Variants in GABBR2 observed in about 807,000 individuals in gnomAD.
The protein encoded by GABBR2 is gamma-aminobutyric acid type B receptor subunit 2, also known as G-protein coupled receptor 51.
A neutral mutation model predicts 105.6 loss-of-function variants in GABBR2; 23 were observed. The ratio of observed to expected loss-of-function variants is 0.22; its 90% CI spans 0.16 to 0.31. GABBR2 has a LOEUF of 0.31. Ranked by LOEUF, GABBR2 falls within the 10% of genes least tolerant of loss-of-function variation. GABBR2 has a pLI of 1.00. For missense variants in GABBR2, 734 were observed against 1,245.5 expected, an observed-to-expected ratio of 0.59 and a Z score of 6.18; for synonymous variants, 478 against 499.7, an observed-to-expected ratio of 0.96 and a Z score of 0.58.
At chr9:98,459,407 T>A (rs1826385094) in intron 6 of GABBR2, among the ~76,000 whole-genome samples, 1 of 152,176 alleles carries the variant, frequency 6.6e-6, no homozygotes, top group Non-Finnish European at 1.5e-5. Flanking sequence ...TTTGAGGCAT[T>A]TTCTGATTTG....
In GABBR2 at chr9:98,623,059, T is replaced by C. The variant is rs892403546; in HGVS notation, c.322-44987A>G. Among the ~76,000 whole-genome samples, 6 of 152,198 alleles carry C rather than the reference T, an allele frequency of 3.9e-5. No individual in the cohort carries two copies. In the East Asian group the frequency reaches 7.7e-4, roughly 20 times the overall value. On this transcript the variant is annotated intron_variant, in intron 1 of 18. Coordinates refer to ENST00000259455, the MANE Select transcript of GABBR2 (RefSeq NM_005458.8). Reference sequence around the variant, plus strand: ...GTGCATGTGTGGGAGGCAAAGAGTATGTGGGAAATTTCCCTACTTTCCTCT... The same window carrying C: ...GTGCATGTGTGGGAGGCAAAGAGTACGTGGGAAATTTCCCTACTTTCCTCT...
chr9:98,348,678 T>G (rs999025110), intron 13 of GABBR2, among the ~76,000 whole-genome samples: 1 of 152,212 alleles, frequency 6.6e-6, no homozygotes, highest in Non-Finnish European at 1.5e-5. Flanking sequence ...CTAGACATTT[T>G]TTGTAGCTAT....
chr9:98,380,452 T>C (rs1041689932), intron 11 of GABBR2, among the ~76,000 whole-genome samples: 1 of 152,230 alleles, frequency 6.6e-6, no homozygotes, highest in Non-Finnish European at 1.5e-5. Context: ...GCTGGACTCC[T>C]TGTCTGGGCA....
At chr9:98,474,650 A>G (rs1157731507) in intron 5 of GABBR2, among the ~76,000 whole-genome samples, 1 of 152,184 alleles carries the variant, frequency 6.6e-6, no homozygotes, top group Non-Finnish European at 1.5e-5. Context: ...CCCTTGGCCT[A>G]CAGCAGGGTT....
rs376225523 is a variant in GABBR2, at chr9:98,628,238, GC to G, written c.322-50167del. 5.1e-3 allele frequency among the ~76,000 whole-genome samples: 784 copies of G among 152,306 alleles called. 11 individuals are homozygous for G. The highest frequency in any genetic ancestry group is 0.018 in the African/African-American group (763 of 41,572). On this transcript the variant is annotated intron_variant, in intron 1 of 18. Transcript: ENST00000259455. ...GAGGGTAAAGACCAGGGAAGCTTCA[GC>G]GAAGCAAGAACTAGAAGCTTGTGCT...
intron 7 of GABBR2, among the ~76,000 whole-genome samples, chr9:98,419,246 G>A (rs1226522316): frequency 2.6e-5 from 4 of 152,196 alleles, no homozygotes; most frequent in Admixed American, 2.0e-4. Context: ...ACTCAGAAAG[G>A]GTATCCTGCT....
chr9:98,422,493 C>G (rs937826201), intron 7 of GABBR2, among the ~76,000 whole-genome samples: 1 of 137,206 alleles, frequency 7.3e-6, no homozygotes, highest in East Asian at 2.3e-4. Flanking sequence ...CTGCTTAATG[C>G]ACCTGTGTGT....
At chr9:98,376,601 A>G (rs1831878053) in intron 11 of GABBR2, among the ~76,000 whole-genome samples, 1 of 152,190 alleles carries the variant, frequency 6.6e-6, no homozygotes, top group Non-Finnish European at 1.5e-5. Flanking sequence ...GAGAGGCCTG[A>G]GGTCTCCAGG....
intron 13 of GABBR2, among the ~76,000 whole-genome samples, chr9:98,353,258 AT>A (rs534639863): frequency 1.7e-3 from 263 of 152,268 alleles, no homozygotes; most frequent in African/African-American, 6.1e-3. Context: ...TTAAAGTTTT[AT>A]CATGAGATTG....
At chr9:98,503,303 C>T (rs1298159813) in intron 3 of GABBR2, among the ~76,000 whole-genome samples, 3 of 152,108 alleles carry the variant, frequency 2.0e-5, no homozygotes, top group South Asian at 2.1e-4. Context: ...GGGAGGCTGT[C>T]GGAATGAACT....
intron 1 of GABBR2, among the ~76,000 whole-genome samples, chr9:98,600,288 G>C (rs1829307184): frequency 6.6e-6 from 1 of 152,144 alleles, no homozygotes; most frequent in Admixed American, 6.5e-5. Context: ...CTGCTGGGCA[G>C]AGCACTTCTT....
chr9:98,334,185 G>T (rs1379217088), intron 13 of GABBR2, among the ~76,000 whole-genome samples: 1 of 152,186 alleles, frequency 6.6e-6, no homozygotes, highest in Non-Finnish European at 1.5e-5. Flanking sequence ...TTGAATATCT[G>T]TTCACTCTCA....
At chr9:98,607,901 T>C in intron 1 of GABBR2, 1 of 1,436,252 alleles carries the variant, frequency 7.0e-7, no homozygotes, top group Non-Finnish European at 9.6e-7. Flanking sequence ...ATGGAGCAGG[T>C]GTTTGAGATG....
chr9:98,471,720 A>T (rs1279431856), intron 6 of GABBR2, among the ~76,000 whole-genome samples: 1 of 152,092 alleles, frequency 6.6e-6, no homozygotes, highest in Non-Finnish European at 1.5e-5. Context: ...GCTTTCATGG[A>T]TATTTTTTTC....
chr9:98,585,499 G>C (rs1363819596), intron 1 of GABBR2, among the ~76,000 whole-genome samples: 2 of 134,330 alleles, frequency 1.5e-5, no homozygotes, highest in African/African-American at 2.7e-5. Flanking sequence ...CGTAGGGTGG[G>C]GGGAGTGGGG....
At chr9:98,660,597 AAAC>A (rs1462349018) in intron 1 of GABBR2, among the ~76,000 whole-genome samples, 5 of 152,224 alleles carry the variant, frequency 3.3e-5, no homozygotes, top group Admixed American at 3.3e-4. Flanking sequence ...TATCAGCTTA[AAAC>A]AACACAAATG....
At chr9:98,504,169 C>A (rs7023937) in intron 3 of GABBR2, among the ~76,000 whole-genome samples, 7,849 of 152,132 alleles carry the variant, frequency 0.052, 325 homozygotes, top group East Asian at 0.15. Context: ...CCGAGCAGAA[C>A]CTGACTATGG....
At chr9:98,505,406 A>G (rs1827488403) in intron 3 of GABBR2, among the ~76,000 whole-genome samples, 1 of 148,916 alleles carries the variant, frequency 6.7e-6, no homozygotes, top group Non-Finnish European at 1.5e-5. Flanking sequence ...CTGTGGGTAT[A>G]TATCCAGCTG....
At chr9:98,299,637 G>A (rs985693564) in intron 16 of GABBR2, among the ~76,000 whole-genome samples, 1 of 152,196 alleles carries the variant, frequency 6.6e-6, no homozygotes. Flanking sequence ...AGGAAGGGCA[G>A]GGAGAGCATA....
Sources: gnomAD v4.1 joint callset for allele counts (sites outside exome capture counted in the v4.1 genomes callset) on GRCh38, gnomAD v4.1.1 for gene constraint, MANE v1.5 for transcripts, NCBI Gene and HGNC (gene_info 2026-07-23, HGNC 2026-07-21) for gene names.